Variants in COPG2 observed in about 807,000 individuals in gnomAD.
The protein encoded by COPG2 is coatomer subunit gamma-2.
Under a neutral mutation model 46.3 loss-of-function variants are expected in COPG2, and 37 were observed. The observed-to-expected ratio is 0.80, with a 90% CI of 0.61 to 1.05. COPG2 has a LOEUF of 1.05. Ranked by LOEUF, COPG2 falls within the 50% of genes least tolerant of loss-of-function variation. The probability of loss-of-function intolerance (pLI) is 0.00; values close to 1 mark genes in which losing one functional copy is unlikely to be tolerated. For missense variants in COPG2, 427 were observed against 387.8 expected (o/e 1.10, Z -0.85); for synonymous variants, 159 against 129.7 (o/e 1.23, Z -1.53).
At chr7:130,631,654 T>G (rs1298803338) in intron 5 of COPG2, among the ~76,000 whole-genome samples, 4 of 152,366 alleles carry the variant, frequency 2.6e-5, no homozygotes, top group African/African-American at 9.6e-5. Flanking sequence ...ATACAAACTT[T>G]ATAGTAATAA....
At chr7:130,538,954 G>C (rs1799910220) in intron 20 of COPG2, among the ~76,000 whole-genome samples, 1 of 152,124 alleles carries the variant, frequency 6.6e-6, no homozygotes, top group African/African-American at 2.4e-5. Context: ...TAGGTCAGTA[G>C]TAAATGGGCA....
intron 5 of COPG2, among the ~76,000 whole-genome samples, chr7:130,642,542 T>G (rs1288430567): frequency 6.6e-6 from 1 of 152,200 alleles, no homozygotes; most frequent in African/African-American, 2.4e-5. Context: ...CATAAATGTT[T>G]TAGAAGTTTA....
chr7:130,632,525 T>A (rs1379434659), intron 5 of COPG2, among the ~76,000 whole-genome samples: 2 of 152,152 alleles, frequency 1.3e-5, no homozygotes, highest in Non-Finnish European at 2.9e-5. Context: ...TTTCTCAAAT[T>A]TTTTTTTCGC....
intron 20 of COPG2, among the ~76,000 whole-genome samples, chr7:130,510,550 G>C (rs1381908021): frequency 1.3e-5 from 2 of 152,078 alleles, no homozygotes; most frequent in Admixed American, 6.6e-5. Context: ...CAAATGAGGA[G>C]GACAAAGAGA....
At position 130,631,172 on chromosome 7, in the gene COPG2, C is replaced by CTT. The variant is rs55966949; in HGVS notation, c.324-14109_324-14108dup. On this transcript the variant is annotated intron_variant, in intron 5 of 23. Transcript: ENST00000425248. ...TTTTGTTCCCTTTTCTTTTTCTTTTCTTTTTTTTTTTTTTTTTGAGATGGA... is the reference window on the plus strand; with the variant it reads ...TTTTGTTCCCTTTTCTTTTTCTTTTCTTTTTTTTTTTTTTTTTTTGAGATGGA... Among the ~76,000 whole-genome samples the CTT allele has an allele frequency of 1.7e-3, 174 of 102,310 alleles. 2 individuals are homozygous for CTT. The highest frequency in any genetic ancestry group is 3.2e-3 in the East Asian group (12 of 3,760). 67.1% of individuals were successfully genotyped at this position (102,310 alleles called of 152,430 possible). A position where few individuals can be genotyped will look rare whatever the true frequency, so the allele number is the denominator to read the frequency against.
chr7:130,577,361 G>A (rs145044045), intron 9 of COPG2, among the ~76,000 whole-genome samples: 128 of 152,364 alleles, frequency 8.4e-4, no homozygotes, highest in African/African-American at 2.8e-3. Context: ...CACTTGGGAA[G>A]CGCAAGGGTC....
At chr7:130,634,972 T>C (rs1337867702) in intron 5 of COPG2, among the ~76,000 whole-genome samples, 4 of 151,578 alleles carry the variant, frequency 2.6e-5, no homozygotes, top group Non-Finnish European at 4.4e-5. Flanking sequence ...GATAATCATG[T>C]GGTTTTTGTC....
chr7:130,644,828 G>A (rs9691409), intron 5 of COPG2, among the ~76,000 whole-genome samples: 29,419 of 152,012 alleles, frequency 0.19, 3,033 homozygotes, highest in Middle Eastern at 0.25. Flanking sequence ...TTGGGAGGCC[G>A]AGGCAGGCAG....
At chr7:130,526,905 T>C (rs1402014729) in intron 20 of COPG2, among the ~76,000 whole-genome samples, 6 of 84,540 alleles carry the variant, frequency 7.1e-5, no homozygotes, top group East Asian at 4.0e-4. Context: ...AGCAGTGGGA[T>C]TGCAAGTGGG....
chr7:130,662,037 G>C (rs1237118925), intron 4 of COPG2, among the ~76,000 whole-genome samples: 1 of 152,150 alleles, frequency 6.6e-6, no homozygotes, highest in African/African-American at 2.4e-5. Flanking sequence ...CTGAAAAGTA[G>C]AATGAAGATA....
Position 130,506,576 on chromosome 7 carries a change from CA to C in COPG2, c.*99del. 1 of 520,056 alleles carries C rather than the reference CA, an allele frequency of 1.9e-6. No homozygotes were observed. The highest frequency in any genetic ancestry group is 3.5e-6 in the Non-Finnish European group (1 of 288,674). The allele number at this position is 520,056 out of a possible 1,614,324, so 32.2% of individuals were successfully genotyped here. On this transcript the variant is annotated 3_prime_UTR_variant, in exon 24 of 24. Coordinates refer to ENST00000425248, the MANE Select transcript of COPG2 (RefSeq NM_012133.6). ...AATGTTTAATTTGCTTCTCCAAAGT[CA>C]TTCATCTTCAAAAGTCTGATTCTGG... is the stretch of plus-strand genomic sequence containing the variant.
intron 9 of COPG2, among the ~76,000 whole-genome samples, chr7:130,588,497 G>T (rs1563051528): frequency 6.6e-6 from 1 of 152,028 alleles, no homozygotes; most frequent in Non-Finnish European, 1.5e-5. Context: ...TTCTTTGTAG[G>T]GACATGGATG....
intron 5 of COPG2, among the ~76,000 whole-genome samples, chr7:130,639,506 T>C (rs1795420231): frequency 6.6e-6 from 1 of 152,192 alleles, no homozygotes; most frequent in Non-Finnish European, 1.5e-5. Context: ...ATGGAATCAA[T>C]TTCCTTTCCT....
chr7:130,616,007 T>A (rs1554452786), intron 6 of COPG2, among the ~76,000 whole-genome samples: 1 of 152,142 alleles, frequency 6.6e-6, no homozygotes, highest in Non-Finnish European at 1.5e-5. Context: ...TCATTAGGGA[T>A]GAGTTGCCAA....
intron 4 of COPG2, among the ~76,000 whole-genome samples, chr7:130,659,718 C>T (rs1385754083): frequency 3.3e-5 from 5 of 152,074 alleles, no homozygotes; most frequent in African/African-American, 1.2e-4. Context: ...TTGAGACCAT[C>T]CTGGCCAACA....
At chr7:130,540,036 G>C (rs1216477008) in intron 20 of COPG2, among the ~76,000 whole-genome samples, 4 of 146,970 alleles carry the variant, frequency 2.7e-5, no homozygotes, top group Admixed American at 1.4e-4. Context: ...GGAAGGGTGG[G>C]TTGGGTGAAG....
chr7:130,607,890 A>G, intron 9 of COPG2: 1 of 498,678 alleles, frequency 2.0e-6, no homozygotes, highest in South Asian at 1.5e-5. Flanking sequence ...TTCAGGCATC[A>G]ACTGCTTCCC....
At chr7:130,642,740 C>G (rs944111556) in intron 5 of COPG2, among the ~76,000 whole-genome samples, 6 of 152,136 alleles carry the variant, frequency 3.9e-5, no homozygotes, top group African/African-American at 1.4e-4. Context: ...ATAAACCTAA[C>G]GGCTGAGCAC....
At chr7:130,611,227 G>T in intron 8 of COPG2, 117 bp from the exon 9 acceptor site, 1 of 904,382 alleles carries the variant, frequency 1.1e-6, no homozygotes, top group Non-Finnish European at 1.6e-6. Context: ...CAGGTCACAT[G>T]TACACAAATA....
Sources: allele counts gnomAD v4.1 joint callset (sites outside exome capture counted in the v4.1 genomes callset), GRCh38; gene constraint gnomAD v4.1.1; transcripts MANE v1.5; gene names NCBI Gene and HGNC (gene_info 2026-07-23, HGNC 2026-07-21).